CADM2: variants seen among roughly 807,000 people sequenced by gnomAD.
CADM2 encodes immunoglobulin superfamily member 4D.
A neutral mutation model predicts 49.8 loss-of-function variants in CADM2; 12 were observed. That is an observed-to-expected ratio of 0.24 (90% CI 0.15 to 0.39). The LOEUF is 0.39. Among genes scored for constraint, CADM2 ranks in the 10% least tolerant of loss-of-function variants. CADM2 has a pLI of 1.00. For missense variants in CADM2, 378 were observed against 492.3 expected, an observed-to-expected ratio of 0.77 and a Z score of 2.20; for synonymous variants, 214 against 175.4, an observed-to-expected ratio of 1.22 and a Z score of -1.74.
chr3:85,333,354 T>C (rs1348984774), intron 1 of CADM2, among the ~76,000 whole-genome samples: 1 of 151,724 alleles, frequency 6.6e-6, no homozygotes, highest in African/African-American at 2.4e-5. Flanking sequence ...GTAAGCATTT[T>C]AGAAAAAAAA....
At chr3:85,348,814 A>G (rs1346366652) in intron 1 of CADM2, among the ~76,000 whole-genome samples, 1 of 152,204 alleles carries the variant, frequency 6.6e-6, no homozygotes, top group Non-Finnish European at 1.5e-5. Context: ...CCTACTTAAG[A>G]GAGAATATTT....
chr3:85,136,783 T>G (rs2107619802), intron 1 of CADM2, among the ~76,000 whole-genome samples: 1 of 152,112 alleles, frequency 6.6e-6, no homozygotes, highest in South Asian at 2.1e-4. Context: ...GCAAGCTTAC[T>G]ACATTCTGAA....
intron 1 of CADM2, among the ~76,000 whole-genome samples, chr3:85,038,205 G>A (rs1353688620): frequency 6.6e-6 from 1 of 152,136 alleles, no homozygotes; most frequent in Non-Finnish European, 1.5e-5. Flanking sequence ...AGCAAAAAGA[G>A]CAGCGTATGA....
chr3:85,329,220 C>T (rs1483538770), intron 1 of CADM2, among the ~76,000 whole-genome samples: 1 of 152,104 alleles, frequency 6.6e-6, no homozygotes, highest in Non-Finnish European at 1.5e-5. Flanking sequence ...GTTTGTCCTA[C>T]TTTTTGGAAG....
intron 1 of CADM2, among the ~76,000 whole-genome samples, chr3:85,398,985 G>A (rs749826401): frequency 6.6e-6 from 1 of 152,060 alleles, no homozygotes; most frequent in Admixed American, 6.6e-5. Context: ...TTCTTTTGCT[G>A]GCCAGAAGCT....
intron 2 of CADM2, among the ~76,000 whole-genome samples, chr3:85,766,153 T>C (rs906135792): frequency 1.3e-5 from 2 of 152,102 alleles, no homozygotes; most frequent in African/African-American, 4.8e-5. Context: ...GGGCAATGCC[T>C]GTATTAATTG....
chr3:85,559,516 C>T (rs2062037451), intron 1 of CADM2, among the ~76,000 whole-genome samples: 1 of 151,886 alleles, frequency 6.6e-6, no homozygotes, highest in South Asian at 2.1e-4. Context: ...TAAGCTACAG[C>T]TTATTGCCTT....
At chr3:85,216,568 C>T (rs1248359456) in intron 1 of CADM2, among the ~76,000 whole-genome samples, 1 of 151,772 alleles carries the variant, frequency 6.6e-6, no homozygotes, top group Non-Finnish European at 1.5e-5. Context: ...AATAAAGCTG[C>T]TTTTTCAGAC....
intron 1 of CADM2, among the ~76,000 whole-genome samples, chr3:85,314,062 G>C (rs1576333970): frequency 6.6e-6 from 1 of 152,122 alleles, no homozygotes; most frequent in Non-Finnish European, 1.5e-5. Flanking sequence ...GTAATTTTTT[G>C]TATTTTTAGT....
intron 8 of CADM2, among the ~76,000 whole-genome samples, chr3:85,984,382 A>G (rs1577863396): frequency 6.6e-6 from 1 of 151,590 alleles, no homozygotes; most frequent in South Asian, 2.1e-4. Context: ...TAATTTCATA[A>G]TAAACCATGT....
intron 1 of CADM2, among the ~76,000 whole-genome samples, chr3:85,136,944 T>A (rs2039429858): frequency 1.3e-5 from 2 of 151,980 alleles, no homozygotes; most frequent in Admixed American, 6.6e-5. Context: ...TTTTTATATT[T>A]AAAAATATGC....
intron 1 of CADM2, among the ~76,000 whole-genome samples, chr3:85,003,272 A>G (rs2033562743): frequency 6.6e-6 from 1 of 152,168 alleles, no homozygotes; most frequent in Non-Finnish European, 1.5e-5. Flanking sequence ...CATGATTTAT[A>G]AGAGTTAAAG....
intron 1 of CADM2, among the ~76,000 whole-genome samples, chr3:85,174,358 C>T (rs1017193357): frequency 6.6e-6 from 1 of 151,812 alleles, no homozygotes; most frequent in African/African-American, 2.4e-5. Flanking sequence ...TTTTAATTTG[C>T]TTTTTAGCGA....
chr3:85,893,335 A>G (rs902089271), intron 5 of CADM2, among the ~76,000 whole-genome samples: 8 of 152,202 alleles, frequency 5.3e-5, no homozygotes, highest in African/African-American at 1.9e-4. Flanking sequence ...CACCTTATAC[A>G]AAAATTAATT....
At chr3:85,498,107 C>T (rs2039976708) in intron 1 of CADM2, among the ~76,000 whole-genome samples, 1 of 151,702 alleles carries the variant, frequency 6.6e-6, no homozygotes, top group South Asian at 2.1e-4. Context: ...AGGTGACATT[C>T]TGCCATTTGT....
At chr3:85,032,542 A>G (rs2035032269) in intron 1 of CADM2, among the ~76,000 whole-genome samples, 1 of 152,232 alleles carries the variant, frequency 6.6e-6, no homozygotes, top group Admixed American at 6.5e-5. Flanking sequence ...ATTTAAATAT[A>G]TACATTTAAT....
intron 1 of CADM2, among the ~76,000 whole-genome samples, chr3:85,002,059 A>G (rs890607649): frequency 3.9e-5 from 6 of 152,060 alleles, no homozygotes; most frequent in Non-Finnish European, 8.8e-5. Context: ...CTACATTATG[A>G]TGTTATATTA....
At chr3:85,696,648 T>C (rs2066566605) in intron 1 of CADM2, among the ~76,000 whole-genome samples, 1 of 152,086 alleles carries the variant, frequency 6.6e-6, no homozygotes, top group Non-Finnish European at 1.5e-5. Flanking sequence ...AATATTTACT[T>C]GTGAAATATT....
chr3:85,245,887 C>T (rs1303911431), intron 1 of CADM2, among the ~76,000 whole-genome samples: 3 of 152,122 alleles, frequency 2.0e-5, no homozygotes, highest in East Asian at 3.9e-4. Flanking sequence ...AATAGTGGCT[C>T]ATAGGCTCAT....
Sources: allele counts gnomAD v4.1 joint callset (sites outside exome capture counted in the v4.1 genomes callset), GRCh38; gene constraint gnomAD v4.1.1; transcripts MANE v1.5; gene names NCBI Gene and HGNC (gene_info 2026-07-23, HGNC 2026-07-21).